Variants in MAML3 observed in about 807,000 individuals in gnomAD.
The protein encoded by MAML3 is mastermind like transcriptional coactivator 3, also known as mastermind-like protein 3.
MAML3 carries 27 observed loss-of-function variants against 101.9 expected under a neutral mutation model. That is an observed-to-expected ratio of 0.27 (90% confidence interval 0.20 to 0.37). The LOEUF (loss-of-function observed/expected upper bound fraction) is 0.37, where lower values mean the gene tolerates loss of function less well. Ranked by LOEUF, MAML3 falls within the 10% of genes least tolerant of loss-of-function variation. The pLI, the probability that MAML3 is intolerant of heterozygous loss-of-function variation, is 1.00. For missense variants in MAML3, 1,316 were observed against 1,444.9 expected (o/e 0.91, Z 1.45); for synonymous variants, 501 against 555.9 (o/e 0.90, Z 1.39).
At chr4:139,885,917 G>GC (rs1175531217) in intron 2 of MAML3, among the ~76,000 whole-genome samples, 1 of 11,012 alleles carries the variant, frequency 9.1e-5, no homozygotes, top group Non-Finnish European at 2.9e-4. Flanking sequence ...TGGGCGACAG[G>GC]GCAAGACTCC....
intron 1 of MAML3, among the ~76,000 whole-genome samples, chr4:140,138,055 G>A (rs968728681): frequency 6.6e-6 from 1 of 152,076 alleles, no homozygotes; most frequent in Admixed American, 6.5e-5. Flanking sequence ...CTAAGAACAG[G>A]AGCCAACACT....
intron 2 of MAML3, among the ~76,000 whole-genome samples, chr4:139,833,843 A>G (rs1012098019): frequency 6.6e-5 from 10 of 152,038 alleles, no homozygotes; most frequent in Non-Finnish European, 1.2e-4. Flanking sequence ...CTTCAGAAGA[A>G]TGAATCACAG....
intron 2 of MAML3, among the ~76,000 whole-genome samples, chr4:139,748,772 G>GT (rs1729403956): frequency 7.0e-6 from 1 of 142,854 alleles, no homozygotes; most frequent in South Asian, 2.2e-4. Context: ...AAGCTCCGAG[G>GT]TTTTGAACAG....
intron 1 of MAML3, among the ~76,000 whole-genome samples, chr4:140,151,577 T>C (rs2111068933): frequency 6.6e-6 from 1 of 152,066 alleles, no homozygotes; most frequent in South Asian, 2.1e-4. Context: ...CCTGCCGGGC[T>C]CTGCGCCGCC....
chr4:139,802,834 A>G (rs1242311511), intron 2 of MAML3, among the ~76,000 whole-genome samples: 1 of 152,200 alleles, frequency 6.6e-6, no homozygotes, highest in Admixed American at 6.5e-5. Context: ...ATTAAATAAG[A>G]TGTGTATTTA....
intron 2 of MAML3, among the ~76,000 whole-genome samples, chr4:139,775,721 A>G (rs763591567): frequency 9.2e-5 from 14 of 152,130 alleles, no homozygotes; most frequent in South Asian, 2.1e-4. Flanking sequence ...TGTTGTTTCT[A>G]TCTTTCCGGT....
intron 1 of MAML3, among the ~76,000 whole-genome samples, chr4:139,936,285 T>C (rs1468587507): frequency 6.6e-6 from 1 of 152,202 alleles, no homozygotes; most frequent in Non-Finnish European, 1.5e-5. Flanking sequence ...TTTAAATTCA[T>C]TCATCAGTCG....
At chr4:139,744,921 T>C (rs1220166308) in intron 2 of MAML3, among the ~76,000 whole-genome samples, 1 of 152,186 alleles carries the variant, frequency 6.6e-6, no homozygotes, top group Non-Finnish European at 1.5e-5. Flanking sequence ...ACAAGGCACA[T>C]GAGTTCTAGG....
Position 139,737,768 on chromosome 4 carries a change from AT to A in MAML3, c.2080-7102del, listed in dbSNP as rs1187671865. Among the ~76,000 whole-genome samples, 4 of 152,252 alleles carry A rather than the reference AT, an allele frequency of 2.6e-5. No homozygotes were observed. In the East Asian group the frequency reaches 7.7e-4, roughly 29 times the overall value. On this transcript the variant is annotated intron_variant, in intron 2 of 4. Coordinates refer to ENST00000509479, the MANE Select transcript of MAML3 (RefSeq NM_018717.5). ...TTACAAACTTTCTTTTTCCAGAAAAATTTTTACTGTGGGTTTGGAGAGGTGT... is the reference window on the plus strand; with the variant it reads ...TTACAAACTTTCTTTTTCCAGAAAAATTTTACTGTGGGTTTGGAGAGGTGT...
Position 139,721,909 on chromosome 4 carries a change from C to T in MAML3, c.2417-1586G>A, listed in dbSNP as rs578084274. ...TTAACGACTAAATTTTTATCGGCTG[C>T]ATGGCCAATAAGATCAACTGTGGTG... On this transcript the variant is annotated intron_variant, in intron 4 of 4. Transcript: ENST00000509479. Among the ~76,000 whole-genome samples, 18 of 152,192 alleles carry T rather than the reference C, an allele frequency of 1.2e-4. No individual in the cohort carries two copies. In the East Asian group the frequency reaches 2.7e-3, roughly 23 times the overall value.
chr4:139,822,844 T>C (rs188155186), intron 2 of MAML3, among the ~76,000 whole-genome samples: 6 of 152,304 alleles, frequency 3.9e-5, no homozygotes, highest in African/African-American at 1.4e-4. Context: ...ATTGATGACA[T>C]CGTTTTTACC....
At chr4:139,856,514 AGTCAACT>A (rs1371520635) in intron 2 of MAML3, among the ~76,000 whole-genome samples, 1 of 152,224 alleles carries the variant, frequency 6.6e-6, no homozygotes, top group Non-Finnish European at 1.5e-5. Context: ...GCACTCAGAG[AGTCAACT>A]GTCAGTGATC....
At chr4:140,111,991 A>T (rs970389268) in intron 1 of MAML3, among the ~76,000 whole-genome samples, 6 of 152,140 alleles carry the variant, frequency 3.9e-5, no homozygotes, top group African/African-American at 1.4e-4. Context: ...GTTCTGGTTC[A>T]TCTGATGTTT....
chr4:140,029,547 A>G (rs1038304173), intron 1 of MAML3, among the ~76,000 whole-genome samples: 3 of 152,182 alleles, frequency 2.0e-5, no homozygotes, highest in Non-Finnish European at 4.4e-5. Context: ...ACAAAAATAA[A>G]TTTTTTAAAA....
At chr4:139,823,199 C>T (rs1227910925) in intron 2 of MAML3, among the ~76,000 whole-genome samples, 2 of 152,164 alleles carry the variant, frequency 1.3e-5, no homozygotes, top group African/African-American at 2.4e-5. Flanking sequence ...TCTATGAATA[C>T]GACCACTGTC....
At chr4:139,948,959 G>A (rs2110754014) in intron 1 of MAML3, among the ~76,000 whole-genome samples, 1 of 152,272 alleles carries the variant, frequency 6.6e-6, no homozygotes, top group Middle Eastern at 3.4e-3. Context: ...TGGCCATGCA[G>A]CCTCTACGCC....
At chr4:140,088,329 C>T (rs945043099) in intron 1 of MAML3, among the ~76,000 whole-genome samples, 4 of 152,058 alleles carry the variant, frequency 2.6e-5, no homozygotes, top group Admixed American at 1.3e-4. Context: ...TCCTCTCTCC[C>T]CTATCCCCTT....
At chr4:140,090,925 G>A (rs1037994615) in intron 1 of MAML3, among the ~76,000 whole-genome samples, 4 of 152,080 alleles carry the variant, frequency 2.6e-5, no homozygotes, top group African/African-American at 9.7e-5. Flanking sequence ...TGGCAAGTGC[G>A]TGTAATTTCG....
intron 2 of MAML3, among the ~76,000 whole-genome samples, chr4:139,826,162 C>T (rs894501192): frequency 2.6e-5 from 4 of 151,850 alleles, no homozygotes; most frequent in African/African-American, 9.7e-5. Context: ...GTCTTTGTTA[C>T]TGAGCAGCCT....
Sources: gnomAD v4.1 joint callset for allele counts (sites outside exome capture counted in the v4.1 genomes callset) on GRCh38, gnomAD v4.1.1 for gene constraint, MANE v1.5 for transcripts, NCBI Gene and HGNC (gene_info 2026-07-23, HGNC 2026-07-21) for gene names.